The following PTPRD variants were observed in gnomAD, a reference collection of about 807,000 sequenced individuals.
The protein encoded by PTPRD is receptor-type tyrosine-protein phosphatase delta.
PTPRD carries 34 observed loss-of-function variants against 214.5 expected under a neutral mutation model. The ratio of observed to expected loss-of-function variants is 0.16; its 90% CI spans 0.12 to 0.21. The LOEUF (loss-of-function observed/expected upper bound fraction) is 0.21. PTPRD is among the 10% of genes least tolerant of loss of function. The pLI, the probability that PTPRD is intolerant of heterozygous loss-of-function variation, is 1.00. For synonymous variants in PTPRD, 1,128 were observed against 845.7 expected (o/e 1.33, Z -5.79); for missense variants, 2,545 against 2,398.7 (o/e 1.06, Z -1.27).
At chr9:8,568,960 TC>T (rs750188348) in intron 14 of PTPRD, among the ~76,000 whole-genome samples, 23 of 152,266 alleles carry the variant, frequency 1.5e-4, no homozygotes, top group Non-Finnish European at 2.6e-4. Context: ...TAACATCATT[TC>T]TTTTATATAG....
intron 11 of PTPRD, among the ~76,000 whole-genome samples, chr9:8,744,406 A>G (rs1254094328): frequency 6.6e-6 from 1 of 152,260 alleles, no homozygotes; most frequent in African/African-American, 2.4e-5. Flanking sequence ...CCAAATGCCC[A>G]TCAATCAACG....
chr9:9,032,221 C>T (rs2099607838), intron 10 of PTPRD, among the ~76,000 whole-genome samples: 1 of 151,876 alleles, frequency 6.6e-6, no homozygotes. Context: ...CATCCATTTC[C>T]ACCCAACGCC....
chr9:10,419,311 G>A (rs1349295083), intron 2 of PTPRD, among the ~76,000 whole-genome samples: 1 of 151,768 alleles, frequency 6.6e-6, no homozygotes, highest in Non-Finnish European at 1.5e-5. Context: ...CTAATCTTTT[G>A]TTTCTAGCAC....
chr9:9,271,604 A>C (rs1321637391), intron 9 of PTPRD, among the ~76,000 whole-genome samples: 1 of 151,452 alleles, frequency 6.6e-6, no homozygotes, highest in Admixed American at 6.6e-5. Flanking sequence ...GATAGCAAGT[A>C]GTAGTTAAAA....
At chr9:8,854,826 C>T (rs910039556) in intron 11 of PTPRD, among the ~76,000 whole-genome samples, 3 of 152,158 alleles carry the variant, frequency 2.0e-5, no homozygotes, top group Non-Finnish European at 4.4e-5. Context: ...AGTAATTCTG[C>T]TTCATTTATC....
At chr9:9,241,783 C>G (rs1466948021) in intron 9 of PTPRD, among the ~76,000 whole-genome samples, 1 of 151,472 alleles carries the variant, frequency 6.6e-6, no homozygotes, top group Non-Finnish European at 1.5e-5. Context: ...ACTGATGGGT[C>G]TTGACTCTTT....
At chr9:9,437,881 T>C (rs937680990) in intron 8 of PTPRD, among the ~76,000 whole-genome samples, 2 of 152,202 alleles carry the variant, frequency 1.3e-5, no homozygotes, top group African/African-American at 2.4e-5. Context: ...CTGCTTCTTA[T>C]AGTGCTGTAT....
chr9:9,564,289 A>G (rs1450303758), intron 8 of PTPRD, among the ~76,000 whole-genome samples: 1 of 152,068 alleles, frequency 6.6e-6, no homozygotes, highest in Non-Finnish European at 1.5e-5. Context: ...CAAATGAAGG[A>G]GCTATGCCCA....
At chr9:9,987,912 G>A (rs906526749) in intron 4 of PTPRD, among the ~76,000 whole-genome samples, 3 of 152,058 alleles carry the variant, frequency 2.0e-5, no homozygotes, top group Non-Finnish European at 4.4e-5. Context: ...ACTATTACAA[G>A]TAATAAAATA....
intron 5 of PTPRD, among the ~76,000 whole-genome samples, chr9:9,855,212 A>T (rs1186192941): frequency 6.6e-6 from 1 of 152,188 alleles, no homozygotes; most frequent in Non-Finnish European, 1.5e-5. Context: ...TTTAACTTAC[A>T]GCAGCTAAAA....
At chr9:10,325,953 C>G (rs1028985490) in intron 3 of PTPRD, among the ~76,000 whole-genome samples, 2 of 151,772 alleles carry the variant, frequency 1.3e-5, no homozygotes, top group Admixed American at 1.3e-4. Context: ...CAAACAGAAA[C>G]TGCTTTCAGA....
chr9:8,403,508 C>T (rs1343990688), intron 36 of PTPRD, among the ~76,000 whole-genome samples: 1 of 152,164 alleles, frequency 6.6e-6, no homozygotes, highest in Non-Finnish European at 1.5e-5. Flanking sequence ...ATCCAATGTG[C>T]TCCTGTAGCC....
At chr9:9,154,268 C>A (rs1268949371) in intron 10 of PTPRD, among the ~76,000 whole-genome samples, 1 of 152,110 alleles carries the variant, frequency 6.6e-6, no homozygotes, top group East Asian at 1.9e-4. Context: ...TTGTTTGTTA[C>A]CGTCTTAGTC....
intron 4 of PTPRD, among the ~76,000 whole-genome samples, chr9:9,996,926 A>G (rs1006264261): frequency 6.6e-6 from 1 of 152,256 alleles, no homozygotes; most frequent in Non-Finnish European, 1.5e-5. Context: ...TATCAAAAAC[A>G]TACATTTGGA....
intron 3 of PTPRD, among the ~76,000 whole-genome samples, chr9:10,179,803 A>T (rs1564356315): frequency 6.6e-6 from 1 of 152,058 alleles, no homozygotes; most frequent in Non-Finnish European, 1.5e-5. Context: ...TAAACAGCCT[A>T]CCCTCTTCAG....
intron 11 of PTPRD, among the ~76,000 whole-genome samples, chr9:8,973,189 G>C (rs958650869): frequency 6.6e-6 from 1 of 151,828 alleles, no homozygotes; most frequent in Non-Finnish European, 1.5e-5. Context: ...TACTCAATAG[G>C]TAGTTTTTCA....
At chr9:9,833,686 G>A (rs566234497) in intron 5 of PTPRD, among the ~76,000 whole-genome samples, 2 of 148,702 alleles carry the variant, frequency 1.3e-5, no homozygotes, top group East Asian at 2.0e-4. Flanking sequence ...TCCGGAGAGG[G>A]GGGCAGTTCA....
chr9:9,864,188 C>T (rs532162963), intron 5 of PTPRD, among the ~76,000 whole-genome samples: 1 of 152,122 alleles, frequency 6.6e-6, no homozygotes, highest in East Asian at 1.9e-4. Context: ...TGCCCGCAGT[C>T]CCAGCTACTT....
intron 7 of PTPRD, among the ~76,000 whole-genome samples, chr9:9,652,051 C>T (rs1364167835): frequency 6.6e-6 from 1 of 151,736 alleles, no homozygotes; most frequent in Non-Finnish European, 1.5e-5. Context: ...CCATGTTAGC[C>T]AGGATGGGCT....
Sources: gnomAD v4.1 joint callset for allele counts (sites outside exome capture counted in the v4.1 genomes callset) on GRCh38, gnomAD v4.1.1 for gene constraint, MANE v1.5 for transcripts, NCBI Gene and HGNC (gene_info 2026-07-23, HGNC 2026-07-21) for gene names.